ERC1: variants seen among roughly 807,000 people sequenced by gnomAD.
The protein encoded by ERC1 is ELKS/RAB6-interacting/CAST family member 1, also known as RAB6 interacting protein 2.
In ERC1, 56 loss-of-function variants were observed where a neutral mutation model predicts 132.0. That is an observed-to-expected ratio of 0.42 (90% CI 0.34 to 0.53). The LOEUF (loss-of-function observed/expected upper bound fraction) is 0.53, where lower values mean the gene tolerates loss of function less well. Ranked by LOEUF, ERC1 falls within the 20% of genes least tolerant of loss-of-function variation. The pLI is 0.03. For missense variants in ERC1, 1,202 were observed against 1,349.9 expected (o/e 0.89, Z 1.72); for synonymous variants, 478 against 476.1 (o/e 1.00, Z -0.05).
At chr12:1,465,231 A>T (rs2093721349) in intron 18 of ERC1, among the ~76,000 whole-genome samples, 1 of 152,210 alleles carries the variant, frequency 6.6e-6, no homozygotes, top group African/African-American at 2.4e-5. Context: ...CATGAATGTG[A>T]CCTGCACCAA....
At chr12:1,232,579 T>G (rs1421500263) in intron 12 of ERC1, among the ~76,000 whole-genome samples, 1 of 152,188 alleles carries the variant, frequency 6.6e-6, no homozygotes, top group Non-Finnish European at 1.5e-5. Context: ...ATAACTGAGT[T>G]TCCTATTGAA....
intron 2 of ERC1, among the ~76,000 whole-genome samples, chr12:1,075,946 T>C (rs982604495): frequency 5.9e-5 from 9 of 152,190 alleles, no homozygotes; most frequent in Admixed American, 5.2e-4. Context: ...ACCTGTGTGG[T>C]ACAAGGGTCA....
intron 3 of ERC1, among the ~76,000 whole-genome samples, chr12:1,092,531 G>A (rs1325812039): frequency 6.6e-6 from 1 of 152,180 alleles, no homozygotes; most frequent in Non-Finnish European, 1.5e-5. Flanking sequence ...CAGTGTTTCT[G>A]CATAAATATT....
At chr12:1,230,004 CTTTTTT>C (rs754220477) in intron 12 of ERC1, among the ~76,000 whole-genome samples, 64 of 107,784 alleles carry the variant, frequency 5.9e-4, no homozygotes, top group African/African-American at 2.4e-3. Flanking sequence ...CTTTTTGACT[CTTTTTT>C]TTTTTTTTTT....
At chr12:1,418,710 CTTTCTTTCTTT>C (rs2154398740) in intron 17 of ERC1, among the ~76,000 whole-genome samples, 1 of 114,166 alleles carries the variant, frequency 8.8e-6, no homozygotes, top group South Asian at 2.8e-4. Flanking sequence ...TTCTTTCTTT[CTTTCTTTCTTT>C]CTTTTTGGAG....
At chr12:1,478,863 T>C (rs2094029742) in intron 18 of ERC1, among the ~76,000 whole-genome samples, 1 of 152,176 alleles carries the variant, frequency 6.6e-6, no homozygotes, top group Non-Finnish European at 1.5e-5. Context: ...CAATTTTTTC[T>C]CTTTGTGATT....
chr12:1,394,046 C>CAAAAAAAAAA (rs1555389413), intron 16 of ERC1, among the ~76,000 whole-genome samples: 14 of 70,838 alleles, frequency 2.0e-4, no homozygotes, highest in African/African-American at 7.0e-4. Context: ...AAAAAAAAAC[C>CAAAAAAAAAA]ACAAAGCATT....
intron 18 of ERC1, among the ~76,000 whole-genome samples, chr12:1,452,614 G>A (rs2093448935): frequency 6.6e-6 from 1 of 151,732 alleles, no homozygotes; most frequent in Non-Finnish European, 1.5e-5. Context: ...TTGGATTTCT[G>A]TTTTGTTTTG....
chr12:1,211,873 A>G (rs1957911352), intron 12 of ERC1, among the ~76,000 whole-genome samples: 1 of 152,088 alleles, frequency 6.6e-6, no homozygotes. Flanking sequence ...TCCGGCCATA[A>G]TCAGTTCTAT....
At chr12:1,487,636 CATGAGGTCAG>C (rs2154434214) in intron 18 of ERC1, among the ~76,000 whole-genome samples, 1 of 151,308 alleles carries the variant, frequency 6.6e-6, no homozygotes, top group Non-Finnish European at 1.5e-5. Context: ...AGGAAGATCA[CATGAGGTCAG>C]GAGGTCGAGG....
At chr12:1,404,156 C>T (rs1591813118) in intron 16 of ERC1, among the ~76,000 whole-genome samples, 1 of 152,196 alleles carries the variant, frequency 6.6e-6, no homozygotes, top group South Asian at 2.1e-4. Context: ...AAGATCAAGG[C>T]AGCAGCAGAT....
intron 1 of ERC1, among the ~76,000 whole-genome samples, chr12:1,002,500 T>C (rs1002925984): frequency 6.6e-6 from 1 of 152,080 alleles, no homozygotes; most frequent in African/African-American, 2.4e-5. Flanking sequence ...TGCAAGTCTT[T>C]TAGTGCATAT....
chr12:1,245,275 TTTC>T (rs146827045), intron 13 of ERC1, among the ~76,000 whole-genome samples: 29,461 of 152,144 alleles, frequency 0.19, 3,385 homozygotes, highest in Non-Finnish European at 0.26. Flanking sequence ...TATTCTGACT[TTTC>T]TTCTTCTTTG....
chr12:1,336,080 T>G (rs1208729020), intron 15 of ERC1, among the ~76,000 whole-genome samples: 1 of 152,220 alleles, frequency 6.6e-6, no homozygotes, highest in Non-Finnish European at 1.5e-5. Flanking sequence ...CTAGTGGTTG[T>G]TTGTATTTCT....
chr12:1,337,487 TTATC>T (rs2083416654), intron 15 of ERC1, among the ~76,000 whole-genome samples: 1 of 152,158 alleles, frequency 6.6e-6, no homozygotes. Flanking sequence ...TCTTGGTTCT[TTATC>T]TAGCTTGTTG....
chr12:1,121,673 CTCTA>C (rs146718371), intron 7 of ERC1, among the ~76,000 whole-genome samples: 3,457 of 11,646 alleles, frequency 0.3, 524 homozygotes, highest in South Asian at 0.55. Flanking sequence ...CTATCTCTAT[CTCTA>C]TCTATCTCTA....
intron 17 of ERC1, among the ~76,000 whole-genome samples, chr12:1,420,376 C>T (rs2092373966): frequency 6.6e-6 from 1 of 152,144 alleles, no homozygotes; most frequent in Non-Finnish European, 1.5e-5. Flanking sequence ...AATTTCCCAA[C>T]ATCAATTAAA....
intron 5 of ERC1, among the ~76,000 whole-genome samples, chr12:1,111,865 C>A (rs1211009598): frequency 6.6e-6 from 1 of 152,098 alleles, no homozygotes; most frequent in Non-Finnish European, 1.5e-5. Flanking sequence ...CCTTGGCCTC[C>A]CACGGTGCTG....
At chr12:1,464,598 C>T (rs1462206290) in intron 18 of ERC1, among the ~76,000 whole-genome samples, 1 of 140,584 alleles carries the variant, frequency 7.1e-6, no homozygotes, top group Non-Finnish European at 1.5e-5. Context: ...CAGCTCACTG[C>T]AACCTCCCCC....
Sources: gnomAD v4.1 joint callset for allele counts (sites outside exome capture counted in the v4.1 genomes callset) on GRCh38, gnomAD v4.1.1 for gene constraint, MANE v1.5 for transcripts, NCBI Gene and HGNC (gene_info 2026-07-23, HGNC 2026-07-21) for gene names.